Variants in ABCA4 observed in about 807,000 individuals in gnomAD.
ABCA4 encodes the protein ATP binding cassette subfamily A member 4.
In ABCA4, 196 loss-of-function variants were observed where a neutral mutation model predicts 263.7. The ratio of observed to expected loss-of-function variants is 0.74; its 90% CI spans 0.66 to 0.84. The LOEUF (loss-of-function observed/expected upper bound fraction) is 0.84, where lower values mean the gene tolerates loss of function less well. ABCA4 is among the 40% of genes least tolerant of loss of function. The pLI is 0.00. For missense variants in ABCA4, 2,792 were observed against 2,855.1 expected, an observed-to-expected ratio of 0.98 and a Z score of 0.50; for synonymous variants, 1,133 against 1,094.2, an observed-to-expected ratio of 1.04 and a Z score of -0.70.
At chr1:94,119,449 C>G (rs1466033284) in intron 1 of ABCA4, among the ~76,000 whole-genome samples, 1 of 152,172 alleles carries the variant, frequency 6.6e-6, no homozygotes, top group Non-Finnish European at 1.5e-5. Flanking sequence ...TCCCATGCTG[C>G]TCTCTTTTAT....
intron 7 of ABCA4, among the ~76,000 whole-genome samples, chr1:94,082,780 C>G (rs999366421): frequency 6.6e-6 from 1 of 152,210 alleles, no homozygotes; most frequent in Non-Finnish European, 1.5e-5. Context: ...TGTTCATCAT[C>G]ATATCCCCAG....
chr1:94,071,400 T>C (rs1433697748), intron 11 of ABCA4, among the ~76,000 whole-genome samples: 1 of 152,240 alleles, frequency 6.6e-6, no homozygotes, highest in Admixed American at 6.5e-5. Flanking sequence ...TCTTCCTTCA[T>C]TGGATTCATT....
Position 94,108,575 on chromosome 1 carries a change from A to T in ABCA4, c.442+2T>A, listed in dbSNP as rs1662504014. ...GCTTGAGAGCACTGCAGTCATGCTT[A>T]CCTGCAATTCTCTCCGGGTGAGTCC... On this transcript the variant is annotated splice_donor_variant, in intron 4 of 49. Coordinates refer to ENST00000370225, the MANE Select transcript of ABCA4 (RefSeq NM_000350.3). LOFTEE classifies it high-confidence loss of function. 6.2e-7 allele frequency: 1 copy of T among 1,613,382 alleles called. No homozygotes were observed. Among genetic ancestry groups the T allele is most frequent in the Admixed American group, 1.7e-5 (1 of 60,020 alleles).
intron 30 of ABCA4, among the ~76,000 whole-genome samples, chr1:94,028,182 T>C (rs557705587): frequency 6.6e-6 from 1 of 152,338 alleles, no homozygotes; most frequent in Admixed American, 6.5e-5. Flanking sequence ...ATACCTGTGC[T>C]TTCCCACTGA....
At chr1:94,066,721 T>TCC (rs1661278121) in intron 11 of ABCA4, among the ~76,000 whole-genome samples, 1 of 152,234 alleles carries the variant, frequency 6.6e-6, no homozygotes, top group Non-Finnish European at 1.5e-5. Flanking sequence ...CCCCTATCCT[T>TCC]GCTCTGAGGA....
intron 11 of ABCA4, among the ~76,000 whole-genome samples, chr1:94,069,472 A>T (rs1661352481): frequency 6.6e-6 from 1 of 152,142 alleles, no homozygotes; most frequent in African/African-American, 2.4e-5. Flanking sequence ...GCCCGCTTAG[A>T]GATGTTGGCT....
rs112826335 is a variant in ABCA4 at position 94,120,364 on chromosome 1, T to C, written c.66+616A>G. Reference sequence around the variant, plus strand: ...GAAAGAGTTCAGGAAATGTGCGTGATGGTTAATAACGTATTGCATCTCACA... The same window carrying C: ...GAAAGAGTTCAGGAAATGTGCGTGACGGTTAATAACGTATTGCATCTCACA... On this transcript the variant is annotated intron_variant, in intron 1 of 49. Transcript: ENST00000370225. Among the ~76,000 whole-genome samples the C allele has an allele frequency of 1.6e-3, 246 of 152,304 alleles. 1 individual carries two copies. Among genetic ancestry groups the C allele is most frequent in the African/African-American group, 5.4e-3 (225 of 41,556 alleles).
At chr1:94,086,243 C>T (rs1222677190) in intron 6 of ABCA4, among the ~76,000 whole-genome samples, 2 of 152,196 alleles carry the variant, frequency 1.3e-5, no homozygotes, top group Non-Finnish European at 2.9e-5. Flanking sequence ...CAGGACCCCA[C>T]TTTTTATCTT....
At chr1:94,031,737 G>A (rs1159632038) in intron 27 of ABCA4, 41 bp downstream of exon 27, 1 of 1,611,890 alleles carries the variant, frequency 6.2e-7, no homozygotes, top group East Asian at 2.2e-5. Flanking sequence ...GGCTGGGAGA[G>A]GAGCCACTGA....
chr1:93,997,583 AG>A (rs1482496846), intron 48 of ABCA4, among the ~76,000 whole-genome samples: 2 of 152,146 alleles, frequency 1.3e-5, no homozygotes, highest in Non-Finnish European at 2.9e-5. Context: ...GCTGATTTGA[AG>A]GAAAAACCAC....
chr1:94,017,037 A>C (rs1659765553), intron 36 of ABCA4, among the ~76,000 whole-genome samples: 1 of 152,232 alleles, frequency 6.6e-6, no homozygotes, highest in African/African-American at 2.4e-5. Context: ...GATAATGTGA[A>C]TATCAAAATA....
At chr1:94,007,468 C>T (rs1393978425) in intron 43 of ABCA4, among the ~76,000 whole-genome samples, 166 bp downstream of exon 43, 1 of 145,126 alleles carries the variant, frequency 6.9e-6, no homozygotes, top group African/African-American at 2.6e-5. Context: ...TCCATTGGGT[C>T]TATGTGTTGG....
chr1:94,077,834 T>G lies in ABCA4; in HGVS notation c.1410A>C (p.Glu470Asp), dbSNP rs886044578. ...GGATGGCTTCAGCAGTAATACCTTC[T>G]TCACCAAGCTGCCTATTCAAAAAGT... The part of the protein sequence containing the change: ...VKDFLNRQLG[E>D]EGITAEAILN... Residue 470 changes from glutamate to aspartate, a missense_variant, in exon 11 of 50, where the codon GAA becomes GAC. By Grantham distance (45) the Glu-to-Asp change is conservative (BLOSUM62 2). Coordinates refer to ENST00000370225, the MANE Select transcript of ABCA4 (RefSeq NM_000350.3). The G allele has an allele frequency of 1.9e-6, 3 of 1,614,242 alleles. No individual in the cohort carries two copies. Among genetic ancestry groups the G allele is most frequent in the Non-Finnish European group, 2.5e-6 (3 of 1,180,036 alleles).
intron 1 of ABCA4, 105 bp downstream of exon 1, chr1:94,120,875 A>AACCC: frequency 1.3e-6 from 1 of 758,336 alleles, no homozygotes; most frequent in Non-Finnish European, 2.2e-6. Context: ...ACTGCTCACA[A>AACCC]CCCCCCACCC....
Position 94,015,867 on chromosome 1 carries a change from A to G in ABCA4, c.5197-13T>C. 1 of 1,606,656 alleles carries G rather than the reference A, an allele frequency of 6.2e-7. No homozygotes were observed. Among genetic ancestry groups the G allele is most frequent in the Non-Finnish European group, 8.5e-7 (1 of 1,175,772 alleles). ...CGGAATAATTCATCTCGGAAAGAGA[A>G]GAGGAGAGCAAGTCACTTAACCTCT... is the stretch of plus-strand genomic sequence containing the variant. On this transcript the variant is annotated splice_polypyrimidine_tract_variant and intron_variant, in intron 36 of 49. Transcript: ENST00000370225.
chr1:94,004,636 G>C (rs1659320528), intron 44 of ABCA4, among the ~76,000 whole-genome samples: 1 of 151,932 alleles, frequency 6.6e-6, no homozygotes, highest in Non-Finnish European at 1.5e-5. Flanking sequence ...TCAGTGTTAG[G>C]TTTTCTTTTT....
At chr1:94,056,866 G>C in intron 14 of ABCA4, 44 bp from the exon 15 acceptor site, 10 of 1,496,668 alleles carry the variant, frequency 6.7e-6, no homozygotes, top group Non-Finnish European at 9.1e-6. Context: ...GCCCTTGGCC[G>C]GACGCCTTCT....
chr1:93,998,210 G>C, intron 47 of ABCA4, 100 bp from the exon 48 acceptor site: 1 of 1,544,488 alleles, frequency 6.5e-7, no homozygotes, highest in South Asian at 1.1e-5. Context: ...TGGGGATTAA[G>C]CTCAGCTTGG....
intron 49 of ABCA4, among the ~76,000 whole-genome samples, chr1:93,995,491 T>C (rs1557756567): frequency 6.6e-6 from 1 of 152,168 alleles, no homozygotes; most frequent in Non-Finnish European, 1.5e-5. Context: ...GCTCCTTACA[T>C]GGGGCACTGT....
Sources: allele counts gnomAD v4.1 joint callset (sites outside exome capture counted in the v4.1 genomes callset), GRCh38; gene constraint gnomAD v4.1.1; transcripts MANE v1.5; gene names NCBI Gene and HGNC (gene_info 2026-07-23, HGNC 2026-07-21).